PCCB: variants seen among roughly 807,000 people sequenced by gnomAD.
PCCB encodes the protein propionyl-CoA carboxylase subunit beta, also known as propionyl-CoA carboxylase beta chain, mitochondrial.
PCCB carries 43 observed loss-of-function variants against 60.7 expected under a neutral mutation model. The ratio of observed to expected loss-of-function variants is 0.71; its 90% CI spans 0.55 to 0.91. PCCB has a LOEUF of 0.91. PCCB is among the 40% of genes least tolerant of loss of function. The probability of loss-of-function intolerance (pLI) is 0.00; values close to 1 mark genes in which losing one functional copy is unlikely to be tolerated. For missense variants in PCCB, 766 were observed against 702.8 expected (o/e 1.09, Z -1.02); for synonymous variants, 276 against 255.9 (o/e 1.08, Z -0.75).
intron 9 of PCCB, among the ~76,000 whole-genome samples, chr3:136,301,374 A>T (rs1934273515): frequency 6.6e-6 from 1 of 152,106 alleles, no homozygotes; most frequent in South Asian, 2.1e-4. Flanking sequence ...AGTCTTTAGA[A>T]GGCCCTCTGA....
chr3:136,279,953 A>C (rs1185341695), intron 5 of PCCB, among the ~76,000 whole-genome samples: 1 of 152,224 alleles, frequency 6.6e-6, no homozygotes, highest in Non-Finnish European at 1.5e-5. Context: ...GGCGTGAGCC[A>C]CCGCGCCCGG....
At chr3:136,273,014 G>A (rs533421759) in intron 5 of PCCB, among the ~76,000 whole-genome samples, 6 of 152,222 alleles carry the variant, frequency 3.9e-5, no homozygotes, top group African/African-American at 1.4e-4. Flanking sequence ...TTTTATAACT[G>A]TGTCACTACT....
intron 6 of PCCB, among the ~76,000 whole-genome samples, chr3:136,292,853 C>T (rs1933761646): frequency 6.6e-6 from 1 of 151,976 alleles, no homozygotes; most frequent in Non-Finnish European, 1.5e-5. Flanking sequence ...TTAGGGGAGG[C>T]GAATTGGAGG....
intron 5 of PCCB, among the ~76,000 whole-genome samples, chr3:136,273,578 CTTTTTTTT>C (rs56936911): frequency 8.4e-5 from 5 of 59,204 alleles, no homozygotes; most frequent in African/African-American, 2.9e-4. Context: ...CTTTTTCTTT[CTTTTTTTT>C]TTTCTTTTTT....
At chr3:136,269,944 G>A (rs1224373466) in intron 5 of PCCB, among the ~76,000 whole-genome samples, 1 of 148,600 alleles carries the variant, frequency 6.7e-6, no homozygotes, top group Middle Eastern at 3.2e-3. Flanking sequence ...CTAATCTTAA[G>A]GAGAAAGCAT....
chr3:136,275,209 C>A (rs1330301155), intron 5 of PCCB, among the ~76,000 whole-genome samples: 1 of 152,058 alleles, frequency 6.6e-6, no homozygotes, highest in Non-Finnish European at 1.5e-5. Flanking sequence ...TTGACTTGTT[C>A]TGGTCTATTG....
chr3:136,250,790 T>G (rs2108128672), intron 1 of PCCB, among the ~76,000 whole-genome samples: 1 of 152,372 alleles, frequency 6.6e-6, no homozygotes, highest in South Asian at 2.1e-4. Flanking sequence ...TAGACGGATC[T>G]GGCTCGTCTC....
At chr3:136,309,178 G>A (rs1389188448) in intron 9 of PCCB, among the ~76,000 whole-genome samples, 4 of 150,794 alleles carry the variant, frequency 2.7e-5, no homozygotes, top group Non-Finnish European at 4.4e-5. Context: ...CAGGAGAATC[G>A]CTTGAACCTG....
At chr3:136,301,761 T>A (rs1934293696) in intron 9 of PCCB, among the ~76,000 whole-genome samples, 1 of 152,144 alleles carries the variant, frequency 6.6e-6, no homozygotes, top group Non-Finnish European at 1.5e-5. Flanking sequence ...GTTTGCTGTT[T>A]TCTGTTATTG....
At chr3:136,308,947 T>A (rs570002643) in intron 9 of PCCB, among the ~76,000 whole-genome samples, 1 of 152,194 alleles carries the variant, frequency 6.6e-6, no homozygotes, top group South Asian at 2.1e-4. Context: ...ATCTGTTTCC[T>A]GAAACAGTAA....
chr3:136,327,983 G>A (rs1185493257), intron 13 of PCCB, among the ~76,000 whole-genome samples: 4 of 152,152 alleles, frequency 2.6e-5, no homozygotes, highest in Non-Finnish European at 5.9e-5. Context: ...CAGGTGAAAG[G>A]AAAGTGAGAG....
intron 8 of PCCB, among the ~76,000 whole-genome samples, chr3:136,299,988 G>GTA (rs532173383): frequency 1.3e-5 from 2 of 151,614 alleles, no homozygotes; most frequent in African/African-American, 4.9e-5. Flanking sequence ...ACATGCATGT[G>GTA]TATATATGCA....
At chr3:136,268,519 A>C (rs1383040425) in intron 5 of PCCB, among the ~76,000 whole-genome samples, 1 of 149,338 alleles carries the variant, frequency 6.7e-6, no homozygotes, top group Non-Finnish European at 1.5e-5. Flanking sequence ...GCTGGAGCAC[A>C]GTGGCATGAT....
intron 5 of PCCB, among the ~76,000 whole-genome samples, chr3:136,264,495 G>A (rs557413411): frequency 2.8e-5 from 4 of 144,124 alleles, no homozygotes; most frequent in East Asian, 3.9e-4. Context: ...CCAGAATAAA[G>A]CATTGACTTT....
Position 136,268,097 on chromosome 3 carries a change from T to G in PCCB, c.543+6032T>G, listed in dbSNP as rs1381274100. 6.0e-3 allele frequency among the ~76,000 whole-genome samples: 506 copies of G among 84,494 alleles called. 7 individuals carry two copies. The highest frequency in any genetic ancestry group is 0.011 in the African/African-American group (256 of 22,848). 55.4% of individuals were successfully genotyped at this position (84,494 alleles called of 152,430 possible). On this transcript the variant is annotated intron_variant, in intron 5 of 14. Coordinates refer to ENST00000251654, the MANE Select transcript of PCCB (RefSeq NM_000532.5). ...GTGTGTGTGTGTGTAGATATATATA[T>G]ATATATATATATATATATATATATG...
intron 13 of PCCB, among the ~76,000 whole-genome samples, chr3:136,328,257 T>A (rs1208969678): frequency 6.6e-6 from 1 of 152,086 alleles, no homozygotes; most frequent in Non-Finnish European, 1.5e-5. Context: ...AACTTCCAGG[T>A]CCCCTAGAGT....
At chr3:136,318,545 A>G (rs983276979) in intron 10 of PCCB, among the ~76,000 whole-genome samples, 23 of 152,226 alleles carry the variant, frequency 1.5e-4, no homozygotes, top group Admixed American at 1.2e-3. Context: ...CTGTTAAACA[A>G]TAACTCACTA....
chr3:136,322,519 G>A (rs986815926), intron 10 of PCCB, among the ~76,000 whole-genome samples: 1 of 152,182 alleles, frequency 6.6e-6, no homozygotes, highest in Non-Finnish European at 1.5e-5. Flanking sequence ...GGAAAAGATT[G>A]TAGAGAACTG....
At chr3:136,292,022 G>T (rs766623862) in intron 6 of PCCB, among the ~76,000 whole-genome samples, 1 of 152,254 alleles carries the variant, frequency 6.6e-6, no homozygotes, top group African/African-American at 2.4e-5. Flanking sequence ...TGTGCTTGTG[G>T]GTTTCTGCCC....
Sources: gnomAD v4.1 joint callset for allele counts (sites outside exome capture counted in the v4.1 genomes callset) on GRCh38, gnomAD v4.1.1 for gene constraint, MANE v1.5 for transcripts, NCBI Gene and HGNC (gene_info 2026-07-23, HGNC 2026-07-21) for gene names.